DLG4: variants seen among roughly 807,000 people sequenced by gnomAD.
The protein encoded by DLG4 is disks large homolog 4.
A neutral mutation model predicts 93.8 loss-of-function variants in DLG4; 7 were observed. The ratio of observed to expected loss-of-function variants is 0.07; its 90% CI spans 0.04 to 0.14. DLG4 has a LOEUF of 0.14. Ranked by LOEUF, DLG4 falls within the 10% of genes least tolerant of loss-of-function variation. The probability of loss-of-function intolerance (pLI) is 1.00; values close to 1 mark genes in which losing one functional copy is unlikely to be tolerated. For missense variants in DLG4, 545 were observed against 992.9 expected (o/e 0.55, Z 6.06); for synonymous variants, 341 against 387.6 (o/e 0.88, Z 1.41).
rs186060297 is a variant in DLG4, at chr17:7,210,408, G to A, written c.31-2169C>T. On this transcript the variant is annotated intron_variant, in intron 1 of 19. Transcript: ENST00000399506. ...TCAGCAAGATTGAGTCTATTCTCTG[G>A]GCCACAGACTTGGAGAGAATCCTGA... 1.0e-3 allele frequency among the ~76,000 whole-genome samples: 153 copies of A among 152,216 alleles called. No individual in the cohort carries two copies. In the Middle Eastern group the frequency reaches 0.014, roughly 14 times the overall value.
chr17:7,211,293 A>T (rs963875617), intron 1 of DLG4, among the ~76,000 whole-genome samples: 3 of 151,882 alleles, frequency 2.0e-5, no homozygotes, highest in Non-Finnish European at 4.4e-5. Flanking sequence ...CCTAACCCAG[A>T]CAACTCAGAT....
intron 1 of DLG4, among the ~76,000 whole-genome samples, chr17:7,213,224 G>A (rs868061532): frequency 8.0e-5 from 12 of 150,090 alleles, no homozygotes; most frequent in African/African-American, 2.7e-4. Flanking sequence ...CAACCTCCCG[G>A]ATATCTGGCA....
chr17:7,209,687 T>C (rs1304936340), intron 1 of DLG4, among the ~76,000 whole-genome samples: 3 of 152,118 alleles, frequency 2.0e-5, no homozygotes, highest in African/African-American at 7.2e-5. Context: ...GGAGGATTGC[T>C]TGAGCCCAAG....
chr17:7,218,442 CT>C, upstream of DLG4: 1 of 1,400,258 alleles, frequency 7.1e-7, no homozygotes. Context: ...CTGCATGGTG[CT>C]CCAGCTTGGA....
At position 7,217,611 on chromosome 17, in the gene DLG4, G is replaced by A; in HGVS notation, c.-464C>T. 1 of 1,397,734 alleles carries A rather than the reference G, an allele frequency of 7.2e-7. No individual in the cohort carries two copies. The highest frequency in any genetic ancestry group is 1.5e-5 in the African/African-American group (1 of 64,716). 86.6% of individuals were successfully genotyped at this position (1,397,734 alleles called of 1,614,324 possible). ...CGAGGGAGCCGTGGAGCCGAAGAGG[G>A]AAGGGGAGAGAGGAGGAGAGAGGAA... On this transcript the variant is annotated 5_prime_UTR_variant, in exon 1 of 20. Coordinates refer to ENST00000399506, the MANE Select transcript of DLG4 (RefSeq NM_001321075.3).
At chr17:7,207,245 GAGGACTGATGAGGGAA>G (rs1400424753) in intron 2 of DLG4, among the ~76,000 whole-genome samples, 1 of 152,098 alleles carries the variant, frequency 6.6e-6, no homozygotes, top group Admixed American at 6.6e-5. Flanking sequence ...GATGGAGGGA[GAGGACTGATGAGGGAA>G]AGGACTGATC....
At position 7,188,070 on chromosome 17, in the gene DLG4, CAAAAA is replaced by C. The variant is rs35409465; in HGVS notation, c.*2633_*2637del. ...GGGCAACAAAAGTGAAACTCGACCT[CAAAAA>C]AAAAAAAAAAAAAATCCTCTGAAGC... On this transcript the variant is annotated 3_prime_UTR_variant, in exon 20 of 20. Coordinates refer to ENST00000399506, the MANE Select transcript of DLG4 (RefSeq NM_001321075.3). 7.2e-5 allele frequency among the ~76,000 whole-genome samples: 10 copies of C among 138,332 alleles called. No homozygotes were observed. The highest frequency in any genetic ancestry group is 1.5e-4 in the Admixed American group (2 of 13,784). The allele number at this position is 138,332 out of a possible 152,430, so 90.8% of individuals were successfully genotyped here.
chr17:7,219,644 C>T (rs1207892114), upstream of DLG4: 59 of 1,264,022 alleles, frequency 4.7e-5, no homozygotes, highest in Non-Finnish European at 5.8e-5. Flanking sequence ...GAAGCCCTCC[C>T]TTCAGTCCAC....
intron 1 of DLG4, among the ~76,000 whole-genome samples, chr17:7,216,621 C>T (rs540806521): frequency 6.6e-6 from 1 of 152,256 alleles, no homozygotes; most frequent in East Asian, 1.9e-4. Context: ...TCTGAAGGCC[C>T]ACCCCTTCCC....
chr17:7,201,506 T>C (rs1001812002), intron 8 of DLG4, among the ~76,000 whole-genome samples: 3 of 152,122 alleles, frequency 2.0e-5, no homozygotes, highest in African/African-American at 4.8e-5. Flanking sequence ...GGTCCAAAAA[T>C]GTCAGGAGTA....
intron 1 of DLG4, among the ~76,000 whole-genome samples, chr17:7,209,342 C>T (rs550854101): frequency 2.0e-5 from 3 of 152,150 alleles, no homozygotes; most frequent in South Asian, 2.1e-4. Context: ...CTTCCGTGTC[C>T]GCCTCTGCCC....
rs1249823701 is a variant in DLG4 at position 7,196,365 on chromosome 17, T to C, written c.1187-31A>G. ...GAAGGACAGGGAGGTTTCTGAGCTCTGTCCCCATCCTACTGTCACCCCTGT... is the reference window on the plus strand; with the variant it reads ...GAAGGACAGGGAGGTTTCTGAGCTCCGTCCCCATCCTACTGTCACCCCTGT... On this transcript the variant is annotated intron_variant, in intron 10 of 19. Coordinates refer to ENST00000399506, the MANE Select transcript of DLG4 (RefSeq NM_001321075.3). The surrounding 1 kb of genome is among the most constrained non-coding windows in gnomAD (Gnocchi z 8.3). 1.2e-6 allele frequency: 2 copies of C among 1,612,212 alleles called. No individual in the cohort carries two copies. Among genetic ancestry groups the C allele is most frequent in the East Asian group, 2.2e-5 (1 of 44,878 alleles).
upstream of DLG4, chr17:7,218,697 C>G: frequency 6.5e-7 from 1 of 1,530,546 alleles, no homozygotes; most frequent in Non-Finnish European, 8.9e-7. Flanking sequence ...AAGATGAACA[C>G]ACTGTCACTT....
At chr17:7,217,941 GA>G, upstream of DLG4, 1 of 930,764 alleles carries the variant, frequency 1.1e-6, no homozygotes, top group Non-Finnish European at 1.6e-6. Context: ...GGGAGGAGCT[GA>G]AGGAGGCAAT....
At chr17:7,219,064 C>T (rs2071067353), upstream of DLG4, 2 of 606,538 alleles carry the variant, frequency 3.3e-6, no homozygotes, top group Non-Finnish European at 5.8e-6. Context: ...CCACGCTCTC[C>T]TGAGAAGCCA....
Position 7,194,109 on chromosome 17 carries a change from C to A in DLG4, c.1479-109G>T. The A allele has an allele frequency of 5.6e-6, 8 of 1,437,228 alleles. No homozygotes were observed. The highest frequency in any genetic ancestry group is 7.6e-6 in the Non-Finnish European group (8 of 1,055,158). The allele number at this position is 1,437,228 out of a possible 1,614,324, so 89.0% of individuals were successfully genotyped here. A position where few individuals can be genotyped will look rare whatever the true frequency, so the allele number is the denominator to read the frequency against. On this transcript the variant is annotated intron_variant, in intron 12 of 19. Transcript: ENST00000399506. This position sits in a 1 kb window ranked among gnomAD's most constrained non-coding sequence, Gnocchi z 4.4. ...TCTCCATACTCTGGGCCAGCTGACA[C>A]CCCTTCTCCTGCAGCCCTGGACACT...
Position 7,189,307 on chromosome 17 carries a change from T to C in DLG4, c.*1401A>G, listed in dbSNP as rs556668865. Among the ~76,000 whole-genome samples, 3 of 150,754 alleles carry C rather than the reference T, an allele frequency of 2.0e-5. No homozygotes were observed. The highest frequency in any genetic ancestry group is 4.4e-5 in the Non-Finnish European group (3 of 67,668). Reference sequence around the variant, plus strand: ...GAGTTCAAGACCAGCCTGACCAACATGGTGAAACCCCATCTCTACTAAAAA... The same window carrying C: ...GAGTTCAAGACCAGCCTGACCAACACGGTGAAACCCCATCTCTACTAAAAA... On this transcript the variant is annotated 3_prime_UTR_variant, in exon 20 of 20. Transcript: ENST00000399506.
In DLG4 at chr17:7,196,386, C is replaced by A; in HGVS notation, c.1187-52G>T. The stretch of plus-strand genomic sequence containing the variant: ...GCTCTGTCCCCATCCTACTGTCACC[C>A]CTGTCCTCCCCTACTGAAGCCATCA... On this transcript the variant is annotated intron_variant, in intron 10 of 19. Transcript: ENST00000399506. The surrounding 1 kb of genome is among the most constrained non-coding windows in gnomAD (Gnocchi z 8.3). 1.2e-6 allele frequency: 2 copies of A among 1,608,782 alleles called. No homozygotes were observed. The highest frequency in any genetic ancestry group is 2.2e-5 in the South Asian group (2 of 90,970).
In DLG4 at chr17:7,190,715, C is replaced by T; in HGVS notation, c.2168G>A (p.Arg723Lys). 6.2e-7 allele frequency: 1 copy of T among 1,613,630 alleles called. No individual in the cohort carries two copies. ...GPYIWVPARE[R>K]L is the part of the protein sequence containing the mutation. ...GCCAAGCCAGGGCAGGAATCAGAGT[C>T]TCTCTCGGGCTGGAACCCAGATGTA... Residue 723 changes from arginine (R) to lysine (K), a missense_variant, in exon 20 of 20, where the codon AGA becomes AAA. Coordinates refer to ENST00000399506, the MANE Select transcript of DLG4 (RefSeq NM_001321075.3).
Sources: gnomAD v4.1 joint callset for allele counts (sites outside exome capture counted in the v4.1 genomes callset) on GRCh38, gnomAD v4.1.1 for gene constraint, Gnocchi (gnomAD v3.1) non-coding constraint, MANE v1.5 for transcripts, NCBI Gene and HGNC (gene_info 2026-07-23, HGNC 2026-07-21) for gene names.